Variants in SLC7A11 observed in about 807,000 individuals in gnomAD.
SLC7A11 encodes the protein cystine/glutamate transporter.
In SLC7A11, 35 loss-of-function variants were observed where a neutral mutation model predicts 54.5. That is an observed-to-expected ratio of 0.64 (90% CI 0.49 to 0.85). The LOEUF is 0.85. SLC7A11 is among the 40% of genes least tolerant of loss of function. SLC7A11 has a pLI of 0.00. For missense variants in SLC7A11, 583 were observed against 618.1 expected (o/e 0.94, Z 0.60); for synonymous variants, 230 against 225.2 (o/e 1.02, Z -0.19).
At position 138,222,532 on chromosome 4, in the gene SLC7A11, C is replaced by T. The variant is rs181234933; in HGVS notation, c.646+667G>A. Among the ~76,000 whole-genome samples, 297 of 152,328 alleles carry T rather than the reference C, an allele frequency of 1.9e-3. 1 individual carries two copies. Among genetic ancestry groups the T allele is most frequent in the Non-Finnish European group, 1.0e-3 (69 of 68,032 alleles). ...CACTGAATCCAAGCAACTGCATGTG[C>T]CTTCTTTCCTAAAACAAAAACTCTA... On this transcript the variant is annotated intron_variant, in intron 4 of 11. Coordinates refer to ENST00000280612, the MANE Select transcript of SLC7A11 (RefSeq NM_014331.4).
chr4:138,231,080 G>GA, intron 3 of SLC7A11, among the ~76,000 whole-genome samples: 1 of 152,150 alleles, frequency 6.6e-6, no homozygotes, highest in South Asian at 2.1e-4. Flanking sequence ...TGGAATTAAA[G>GA]AAAAAGAAAG....
chr4:138,206,945 C>T (rs935828155), intron 6 of SLC7A11, among the ~76,000 whole-genome samples: 9 of 118,062 alleles, frequency 7.6e-5, no homozygotes, highest in Admixed American at 2.2e-4. Flanking sequence ...TACTGTGAAA[C>T]ATATTTAAAA....
At chr4:138,195,678 A>G (rs1370383385) in intron 6 of SLC7A11, among the ~76,000 whole-genome samples, 5 of 152,188 alleles carry the variant, frequency 3.3e-5, no homozygotes, top group African/African-American at 1.2e-4. Context: ...TGTTTTTAAT[A>G]TGAAGATAAA....
chr4:138,196,029 G>T (rs1737123544), intron 6 of SLC7A11, among the ~76,000 whole-genome samples: 1 of 152,102 alleles, frequency 6.6e-6, no homozygotes, highest in Admixed American at 6.6e-5. Flanking sequence ...TGAAGAGAAA[G>T]GGGAAGATAG....
At position 138,179,491 on chromosome 4, in the gene SLC7A11, A is replaced by G. The variant is rs905316839; in HGVS notation, c.1267-97T>C. 3.8e-6 allele frequency: 4 copies of G among 1,044,358 alleles called. No individual in the cohort carries two copies. In the African/African-American group the frequency reaches 4.8e-5, roughly 13 times the overall value. 64.7% of individuals were successfully genotyped at this position (1,044,358 alleles called of 1,614,324 possible). ...GTCAGTCATGACATATACTTTAGTG[A>G]TATGCTGTAGTCATGCGACCAGGTA... is the stretch of plus-strand genomic sequence containing the variant. On this transcript the variant is annotated intron_variant, in intron 10 of 11. Coordinates refer to ENST00000280612, the MANE Select transcript of SLC7A11 (RefSeq NM_014331.4).
intron 11 of SLC7A11, among the ~76,000 whole-genome samples, chr4:138,172,669 A>T (rs1736464381): frequency 6.6e-6 from 1 of 152,158 alleles, no homozygotes; most frequent in Non-Finnish European, 1.5e-5. Flanking sequence ...AGACACAAAA[A>T]TGTAGGAACT....
intron 6 of SLC7A11, among the ~76,000 whole-genome samples, chr4:138,210,782 T>C (rs1323196595): frequency 6.6e-6 from 1 of 152,110 alleles, no homozygotes; most frequent in Non-Finnish European, 1.5e-5. Flanking sequence ...AGGGAATGCT[T>C]ATACACTGTT....
intron 6 of SLC7A11, among the ~76,000 whole-genome samples, chr4:138,212,230 G>T (rs181222340): frequency 6.6e-6 from 1 of 151,906 alleles, no homozygotes; most frequent in Admixed American, 6.6e-5. Context: ...CTTCAAAATG[G>T]TGTAATTTTT....
intron 6 of SLC7A11, among the ~76,000 whole-genome samples, chr4:138,190,697 A>G (rs965491169): frequency 4.6e-5 from 7 of 152,146 alleles, no homozygotes; most frequent in African/African-American, 1.2e-4. Context: ...TTTCATTCAC[A>G]TGAGTTTTCT....
At chr4:138,206,687 T>C (rs984806878) in intron 6 of SLC7A11, among the ~76,000 whole-genome samples, 1 of 151,866 alleles carries the variant, frequency 6.6e-6, no homozygotes, top group Admixed American at 6.6e-5. Flanking sequence ...CAGCCTTATA[T>C]GAACAAACTA....
chr4:138,233,572 A>G (rs1463489846), intron 2 of SLC7A11, among the ~76,000 whole-genome samples: 2 of 152,134 alleles, frequency 1.3e-5, no homozygotes, highest in South Asian at 2.1e-4. Flanking sequence ...TCCATAGATT[A>G]TCAGAAAACC....
intron 1 of SLC7A11, among the ~76,000 whole-genome samples, chr4:138,240,096 G>C (rs1738340847): frequency 1.3e-5 from 2 of 152,090 alleles, no homozygotes. Context: ...ATTTTATAAA[G>C]ATGGGAAGTA....
intron 6 of SLC7A11, among the ~76,000 whole-genome samples, chr4:138,194,398 T>A (rs1335684165): frequency 6.6e-6 from 1 of 152,198 alleles, no homozygotes; most frequent in Non-Finnish European, 1.5e-5. Context: ...TTTTGTGCAT[T>A]CATTTTGTAT....
chr4:138,210,158 C>G (rs921475771), intron 6 of SLC7A11, among the ~76,000 whole-genome samples: 7 of 151,856 alleles, frequency 4.6e-5, no homozygotes, highest in Non-Finnish European at 1.0e-4. Context: ...ATTCCCTATT[C>G]AATAAATGGT....
intron 3 of SLC7A11, among the ~76,000 whole-genome samples, chr4:138,225,369 T>A (rs1279982152): frequency 6.6e-6 from 1 of 151,504 alleles, no homozygotes; most frequent in Non-Finnish European, 1.5e-5. Flanking sequence ...CGAAGAAATA[T>A]TTCAAAGGAG....
rs1163590858 is a variant in SLC7A11, at chr4:138,182,262, G to C, written c.1116+35C>G. On this transcript the variant is annotated intron_variant, in intron 9 of 11. Coordinates refer to ENST00000280612, the MANE Select transcript of SLC7A11 (RefSeq NM_014331.4). The stretch of plus-strand genomic sequence containing the variant: ...TCCTTTTTGCTAACCTATTATTCAA[G>C]GTTATATCTAGATATACTTGTTAAT... The C allele has an allele frequency of 3.8e-6, 5 of 1,304,562 alleles. No homozygotes were observed. In the South Asian group the frequency reaches 5.9e-5, roughly 15 times the overall value. The allele number at this position is 1,304,562 out of a possible 1,614,324, so 80.8% of individuals were successfully genotyped here.
At chr4:138,187,778 G>A (rs1030269037) in intron 6 of SLC7A11, among the ~76,000 whole-genome samples, 9 of 151,946 alleles carry the variant, frequency 5.9e-5, no homozygotes, top group African/African-American at 1.9e-4. Context: ...TTTTCAAATC[G>A]TTTCACTGTT....
In SLC7A11 at chr4:138,168,028, A is replaced by C. The variant is rs1415766843; in HGVS notation, c.*3928T>G. 1 of 152,212 alleles carries C rather than the reference A, an allele frequency of 6.6e-6. No individual in the cohort carries two copies. Among genetic ancestry groups the C allele is most frequent in the Non-Finnish European group, 1.5e-5 (1 of 68,038 alleles). 9.4% of individuals were successfully genotyped at this position (152,212 alleles called of 1,614,324 possible). On this transcript the variant is annotated 3_prime_UTR_variant, in exon 12 of 12. Transcript: ENST00000280612. The stretch of plus-strand genomic sequence containing the variant: ...ATATGGATATTTCAATTAACTCATA[A>C]ATTTTTAAAAACATATCCTCCATAC...
chr4:138,227,615 A>C (rs1051315011), intron 3 of SLC7A11, among the ~76,000 whole-genome samples: 3 of 152,178 alleles, frequency 2.0e-5, no homozygotes, highest in African/African-American at 7.2e-5. Context: ...GCATGTTTGC[A>C]TAGGTAGTAA....
Sources: gnomAD v4.1 joint callset for allele counts (sites outside exome capture counted in the v4.1 genomes callset) on GRCh38, gnomAD v4.1.1 for gene constraint, MANE v1.5 for transcripts, NCBI Gene and HGNC (gene_info 2026-07-23, HGNC 2026-07-21) for gene names.